Variants in CAMTA1 observed in about 807,000 individuals in gnomAD.
CAMTA1 encodes the protein calmodulin-binding transcription activator 1.
In CAMTA1, 27 loss-of-function variants were observed where a neutral mutation model predicts 170.9. That is an observed-to-expected ratio of 0.16 (90% confidence interval 0.12 to 0.22). CAMTA1 has a LOEUF of 0.22. Among genes scored for constraint, CAMTA1 ranks in the 10% least tolerant of loss-of-function variants. The pLI is 1.00. For missense variants in CAMTA1, 1,619 were observed against 2,217.2 expected (o/e 0.73, Z 5.42); for synonymous variants, 833 against 891.5 (o/e 0.93, Z 1.17).
chr1:7,199,511 C>T (rs927831462), intron 4 of CAMTA1, among the ~76,000 whole-genome samples: 11 of 152,222 alleles, frequency 7.2e-5, no homozygotes, highest in African/African-American at 2.7e-4. Context: ...TGTCCTGTGC[C>T]TGGTGCACAA....
chr1:7,392,012 G>A (rs1467785664), intron 5 of CAMTA1, among the ~76,000 whole-genome samples: 1 of 152,110 alleles, frequency 6.6e-6, no homozygotes, highest in African/African-American at 2.4e-5. Flanking sequence ...ATTTCTCTTG[G>A]GAAAATATAT....
At chr1:6,982,511 G>C (rs551393247) in intron 3 of CAMTA1, among the ~76,000 whole-genome samples, 1 of 152,288 alleles carries the variant, frequency 6.6e-6, no homozygotes, top group Admixed American at 6.5e-5. Context: ...CTCCTTATGG[G>C]GGTGGGTGGC....
At chr1:6,872,232 A>G (rs571687566) in intron 3 of CAMTA1, among the ~76,000 whole-genome samples, 1 of 141,194 alleles carries the variant, frequency 7.1e-6, no homozygotes, top group Admixed American at 7.5e-5. Flanking sequence ...CACCCTCACC[A>G]TCACCACCAC....
chr1:6,825,164 A>G lies in CAMTA1; in HGVS notation c.188A>G (p.Lys63Arg). 6.2e-7 allele frequency: 1 copy of G among 1,611,814 alleles called. No individual in the cohort carries two copies. Among genetic ancestry groups the G allele is most frequent in the South Asian group, 1.1e-5 (1 of 90,610 alleles). ...LPKKLLECLP[K>R]CSSLPKERHR... ...AAAAAGCTGCTTGAATGTCTGCCGA[A>G]ATGTTCAAGTTTACCAAAAGAGAGG... Residue 63 changes from lysine to arginine, a missense_variant, in exon 3 of 23, where the codon AAA (lysine) becomes AGA (arginine). By Grantham distance (26) the Lys-to-Arg change is conservative. Around this residue, in one of 8 missense-constraint regions of CAMTA1, gnomAD observed 97 missense variants for 225.4 expected, o/e 0.43. Transcript: ENST00000303635.
chr1:6,956,538 A>G (rs1689486653), intron 3 of CAMTA1, among the ~76,000 whole-genome samples: 2 of 114,764 alleles, frequency 1.7e-5, no homozygotes, highest in Admixed American at 8.4e-5. Flanking sequence ...TTGTGTAACA[A>G]TCTCTTAAAA....
In CAMTA1 at chr1:7,333,508, C is replaced by T. The variant is rs569267517; in HGVS notation, c.438+83882C>T. On this transcript the variant is annotated intron_variant, in intron 5 of 22. Coordinates refer to ENST00000303635, the MANE Select transcript of CAMTA1 (RefSeq NM_015215.4). This position sits in a 1 kb window ranked among gnomAD's most constrained non-coding sequence, Gnocchi z 4.4. ...ATTTCCCGGCAGAGGTCCTACATTT[C>T]GGCAGTGAGAAATGTCAGGGGCTCC... is the stretch of plus-strand genomic sequence containing the variant. Among the ~76,000 whole-genome samples the T allele has an allele frequency of 6.6e-6, 1 of 152,294 alleles. No homozygotes were observed. The highest frequency in any genetic ancestry group is 1.9e-4 in the East Asian group (1 of 5,176).
intron 1 of CAMTA1, among the ~76,000 whole-genome samples, chr1:6,815,916 C>T (rs1052485941): frequency 5.9e-5 from 9 of 152,172 alleles, no homozygotes; most frequent in Admixed American, 4.6e-4. Context: ...AGGTCAACTA[C>T]TCATTTGACT....
intron 6 of CAMTA1, among the ~76,000 whole-genome samples, chr1:7,584,609 G>A (rs532189210): frequency 6.6e-6 from 1 of 152,302 alleles, no homozygotes; most frequent in Admixed American, 6.5e-5. Context: ...ACCACTGGAT[G>A]CTGGGTATGC....
intron 1 of CAMTA1, among the ~76,000 whole-genome samples, chr1:6,803,374 A>G (rs529269384): frequency 1.3e-5 from 2 of 152,344 alleles, no homozygotes; most frequent in Admixed American, 6.5e-5. Context: ...CTGTGTGCAC[A>G]GTCCTTCACC....
At chr1:7,186,724 A>C (rs115385751) in intron 4 of CAMTA1, among the ~76,000 whole-genome samples, 1 of 152,174 alleles carries the variant, frequency 6.6e-6, no homozygotes, top group Non-Finnish European at 1.5e-5. Flanking sequence ...TTATTCACGC[A>C]TTAACATCTT....
At position 7,216,297 on chromosome 1, in the gene CAMTA1, G is replaced by A. The variant is rs1274277145; in HGVS notation, c.303-33194G>A. On this transcript the variant is annotated intron_variant, in intron 4 of 22. Transcript: ENST00000303635. This position sits in a 1 kb window ranked among gnomAD's most constrained non-coding sequence, Gnocchi z 4.0. ...TCTTCCTCCAACACTGGGGATTACA[G>A]TTTGACATGAGATTTGGGTGGGGAC... 6.6e-6 allele frequency among the ~76,000 whole-genome samples: 1 copy of A among 152,216 alleles called. No homozygotes were observed.
At chr1:7,502,685 G>A (rs1034374080) in intron 6 of CAMTA1, among the ~76,000 whole-genome samples, 7 of 152,294 alleles carry the variant, frequency 4.6e-5, no homozygotes, top group East Asian at 3.9e-4. Flanking sequence ...CTCTGGAATC[G>A]GGCCCTCATA....
intron 3 of CAMTA1, among the ~76,000 whole-genome samples, chr1:6,900,716 A>ACT (rs1289899432): frequency 9.9e-5 from 15 of 152,236 alleles, no homozygotes; most frequent in Non-Finnish European, 2.1e-4. Flanking sequence ...ACCTTAGAAT[A>ACT]AAACTAAGAA....
intron 5 of CAMTA1, among the ~76,000 whole-genome samples, chr1:7,406,665 CAG>C (rs1459492303): frequency 6.6e-6 from 1 of 152,024 alleles, no homozygotes; most frequent in Admixed American, 6.6e-5. Flanking sequence ...CACATGCACA[CAG>C]AGAGATGCAT....
At chr1:7,454,933 TCACC>T (rs2092915620) in intron 5 of CAMTA1, among the ~76,000 whole-genome samples, 1 of 152,196 alleles carries the variant, frequency 6.6e-6, no homozygotes, top group African/African-American at 2.4e-5. Flanking sequence ...TATTGAAGTC[TCACC>T]ATTACTATTA....
Position 7,748,417 on chromosome 1 carries a change from C to T in CAMTA1, c.4689+636C>T, listed in dbSNP as rs901631744. ...AAAACCAGAGGAAAACAAAATAAAACCATCTGCAATTAGACTTGTACCGCA... is the reference window on the plus strand; with the variant it reads ...AAAACCAGAGGAAAACAAAATAAAATCATCTGCAATTAGACTTGTACCGCA... On this transcript the variant is annotated intron_variant, in intron 19 of 22. Transcript: ENST00000303635. This position sits in a 1 kb window ranked among gnomAD's most constrained non-coding sequence, Gnocchi z 4.7. Among the ~76,000 whole-genome samples, 1 of 152,064 alleles carries T rather than the reference C, an allele frequency of 6.6e-6. No homozygotes were observed. Among genetic ancestry groups the T allele is most frequent in the African/African-American group, 2.4e-5 (1 of 41,402 alleles).
chr1:7,374,267 T>C (rs550594197), intron 5 of CAMTA1, among the ~76,000 whole-genome samples: 1 of 152,340 alleles, frequency 6.6e-6, no homozygotes, highest in South Asian at 2.1e-4. Context: ...ATGGGCAAAG[T>C]TGTGAGCATG....
At chr1:6,958,311 G>A (rs746203667) in intron 3 of CAMTA1, among the ~76,000 whole-genome samples, 1 of 152,194 alleles carries the variant, frequency 6.6e-6, no homozygotes, top group Non-Finnish European at 1.5e-5. Flanking sequence ...AAACCCACCA[G>A]CAGGGAGTCA....
chr1:7,118,651 T>C (rs1644475754), intron 4 of CAMTA1, among the ~76,000 whole-genome samples: 1 of 152,122 alleles, frequency 6.6e-6, no homozygotes, highest in African/African-American at 2.4e-5. Flanking sequence ...TGACTGTGTC[T>C]CTACACATCG....
Sources: gnomAD v4.1 joint callset for allele counts (sites outside exome capture counted in the v4.1 genomes callset) on GRCh38, gnomAD v4.1.1 for gene constraint, gnomAD v4.1.1 regional missense constraint, Gnocchi (gnomAD v3.1) non-coding constraint, MANE v1.5 for transcripts, NCBI Gene and HGNC (gene_info 2026-07-23, HGNC 2026-07-21) for gene names.